Variants in GSE1 observed in about 807,000 individuals in gnomAD.
GSE1 encodes the protein genetic suppressor element 1.
A neutral mutation model predicts 112.6 loss-of-function variants in GSE1; 32 were observed. The ratio of observed to expected loss-of-function variants is 0.28; its 90% CI spans 0.21 to 0.38. GSE1 has a LOEUF of 0.38. Ranked by LOEUF, GSE1 falls within the 10% of genes least tolerant of loss-of-function variation. GSE1 has a pLI of 1.00. For synonymous variants in GSE1, 1,115 were observed against 735.6 expected, an observed-to-expected ratio of 1.52 and a Z score of -8.35; for missense variants, 2,348 against 1,699.2, an observed-to-expected ratio of 1.38 and a Z score of -6.71.
At position 85,219,775 on chromosome 16, in the gene GSE1, T is replaced by G. The variant is rs4592641; in HGVS notation, c.2283+47968T>G. 3.9e-5 allele frequency among the ~76,000 whole-genome samples: 6 copies of G among 151,930 alleles called. No homozygotes were observed. The South Asian group carries it at 1.0e-3, about 26-fold the overall frequency. On this transcript the variant is annotated intron_variant, in intron 1 of 2. Transcript: ENST00000637419. ...CCCCCTTCTGCAAGCCACAGCCCCA[T>G]GACTATGGGACCACCAGCTTTGCTT...
intron 1 of GSE1, among the ~76,000 whole-genome samples, chr16:85,218,357 C>T (rs946883677): frequency 2.0e-5 from 3 of 152,192 alleles, no homozygotes; most frequent in African/African-American, 7.2e-5. Context: ...CTTCCTGAGT[C>T]TTCATGGCCT....
exon 1 of GSE1, chr16:85,171,094 G>T: frequency 1.0e-6 from 1 of 985,656 alleles, no homozygotes. Flanking sequence ...CAACGCCCAG[G>T]GCCCCAACAA....
At chr16:85,273,418 C>G (rs1476283094) in intron 1 of GSE1, among the ~76,000 whole-genome samples, 3 of 152,214 alleles carry the variant, frequency 2.0e-5, no homozygotes, top group Admixed American at 2.0e-4. Flanking sequence ...TGTCTGTCAA[C>G]TGATAATGGA....
intron 1 of GSE1, among the ~76,000 whole-genome samples, chr16:85,604,485 G>A (rs1445442820): frequency 2.6e-5 from 4 of 151,774 alleles, no homozygotes; most frequent in Non-Finnish European, 5.9e-5. Context: ...AAGGTTTTGC[G>A]TGGACGCGAA....
At chr16:85,258,451 C>T (rs886092535) in intron 1 of GSE1, among the ~76,000 whole-genome samples, 28 of 152,330 alleles carry the variant, frequency 1.8e-4, no homozygotes, top group Non-Finnish European at 3.7e-4. Context: ...GGGTCCCCAC[C>T]ACGAGCTGCA....
intron 1 of GSE1, among the ~76,000 whole-genome samples, chr16:85,246,231 A>ACACACG (rs1905669503): frequency 8.2e-6 from 1 of 122,000 alleles, no homozygotes; most frequent in African/African-American, 3.1e-5. Flanking sequence ...ACACACACAC[A>ACACACG]CACACACGCA....
chr16:85,648,519 C>T, intron 2 of GSE1, 33 bp from the exon 3 acceptor site: 1 of 1,242,484 alleles, frequency 8.0e-7, no homozygotes, highest in Non-Finnish European at 1.1e-6. Flanking sequence ...GTCACTGCGG[C>T]TCCCACTCAG....
intron 1 of GSE1, among the ~76,000 whole-genome samples, chr16:85,294,430 A>AT (rs2045304450): frequency 6.6e-6 from 1 of 152,040 alleles, no homozygotes; most frequent in Non-Finnish European, 1.5e-5. Flanking sequence ...CATGGGTGAC[A>AT]TTTGTTCGTT....
At position 85,170,748 on chromosome 16, in the gene GSE1, A is replaced by T. The variant is rs2074346400; in HGVS notation, c.1224A>T (p.Pro408=). ...TCCTGTGGCTGCACAGCCCGCCCCC[A>T]GGGGCACAGCCCATCAGCGAGGGCG... The change falls in exon 1 of 3, where the codon CCA becomes CCT. Residue 408 remains proline (P), a synonymous_variant. Transcript: ENST00000637419. 3 of 985,328 alleles carry T rather than the reference A, an allele frequency of 3.0e-6. No homozygotes were observed. The South Asian group carries it at 1.4e-4, about 46-fold the overall frequency. 61.0% of individuals were successfully genotyped at this position (985,328 alleles called of 1,614,324 possible).
intron 1 of GSE1, chr16:85,283,396 G>A (rs2044914778): frequency 1.3e-5 from 2 of 152,772 alleles, no homozygotes; most frequent in East Asian, 1.9e-4. Flanking sequence ...GCTCTGCTTG[G>A]CTTGCAGCTG....
chr16:85,222,311 C>T (rs1597834138), intron 1 of GSE1, among the ~76,000 whole-genome samples: 2 of 152,330 alleles, frequency 1.3e-5, no homozygotes, highest in East Asian at 1.9e-4. Context: ...CTGGGGCCAG[C>T]GCACGGCTCT....
chr16:85,323,853 G>A (rs901052440), intron 1 of GSE1, among the ~76,000 whole-genome samples: 3 of 152,198 alleles, frequency 2.0e-5, no homozygotes, highest in Non-Finnish European at 2.9e-5. Flanking sequence ...TTGTGGTCTA[G>A]GTTGACACAG....
chr16:85,613,629 G>T (rs1409520245), intron 1 of GSE1, among the ~76,000 whole-genome samples: 7 of 151,624 alleles, frequency 4.6e-5, no homozygotes, highest in Non-Finnish European at 1.0e-4. Flanking sequence ...GGGGACTCGG[G>T]GGCTCCGGGC....
At chr16:85,618,385 G>T (rs537857678) in intron 1 of GSE1, among the ~76,000 whole-genome samples, 3 of 152,164 alleles carry the variant, frequency 2.0e-5, no homozygotes, top group African/African-American at 7.2e-5. Context: ...TGACAGATGC[G>T]GGTGAGGGTT....
chr16:85,259,159 A>G (rs1175148901), intron 1 of GSE1, among the ~76,000 whole-genome samples: 2 of 152,114 alleles, frequency 1.3e-5, no homozygotes, highest in East Asian at 3.9e-4. Flanking sequence ...AGGGAGAAGT[A>G]ACATCATGTC....
intron 1 of GSE1, among the ~76,000 whole-genome samples, chr16:85,618,467 T>C (rs2151609188): frequency 6.6e-6 from 1 of 152,340 alleles, no homozygotes; most frequent in East Asian, 1.9e-4. Context: ...TGCATCTGAC[T>C]GTTCGTATCT....
intron 15 of GSE1, 109 bp from the exon 16 acceptor site, chr16:85,672,296 G>A (rs1204949400): frequency 2.4e-6 from 2 of 817,484 alleles, no homozygotes; most frequent in African/African-American, 3.4e-5. Flanking sequence ...CGCCCGGCCG[G>A]GACATTTTCA....
intron 1 of GSE1, among the ~76,000 whole-genome samples, chr16:85,606,343 G>C (rs1330788110): frequency 6.6e-6 from 1 of 152,218 alleles, no homozygotes; most frequent in Non-Finnish European, 1.5e-5. Context: ...AGGAGCGCTG[G>C]GAAGGCAGGG....
At chr16:85,476,952 G>C (rs888844065) in intron 2 of GSE1, among the ~76,000 whole-genome samples, 5 of 148,614 alleles carry the variant, frequency 3.4e-5, no homozygotes, top group Admixed American at 3.3e-4. Context: ...TTGAGCTGGG[G>C]TCTTGCTTTG....
Sources: gnomAD v4.1 joint callset for allele counts (sites outside exome capture counted in the v4.1 genomes callset) on GRCh38, gnomAD v4.1.1 for gene constraint, MANE v1.5 for transcripts, NCBI Gene and HGNC (gene_info 2026-07-23, HGNC 2026-07-21) for gene names.